JUP: variants seen among roughly 807,000 people sequenced by gnomAD.
JUP encodes junction plakoglobin.
JUP carries 28 observed loss-of-function variants against 71.1 expected under a neutral mutation model. The ratio of observed to expected loss-of-function variants is 0.39; its 90% CI spans 0.29 to 0.54. The LOEUF (loss-of-function observed/expected upper bound fraction) is 0.54. JUP is among the 20% of genes least tolerant of loss of function. The probability of loss-of-function intolerance (pLI) is 0.62; values close to 1 mark genes in which losing one functional copy is unlikely to be tolerated. For synonymous variants in JUP, 401 were observed against 438.9 expected (o/e 0.91, Z 1.08); for missense variants, 869 against 1,030.1 (o/e 0.84, Z 2.14).
At chr17:41,758,542 A>G in intron 9 of JUP, 24 bp from the exon 10 acceptor site, 1 of 1,603,344 alleles carries the variant, frequency 6.2e-7, no homozygotes, top group Non-Finnish European at 8.5e-7. Context: ...GGCAGGGGGC[A>G]TGGGACAGGT....
chr17:41,765,065 C>T lies in JUP; in HGVS notation c.912G>A (p.Leu304=). 6.2e-7 allele frequency: 1 copy of T among 1,614,038 alleles called. No individual in the cohort carries two copies. Among genetic ancestry groups the T allele is most frequent in the Non-Finnish European group, 8.5e-7 (1 of 1,179,976 alleles). ...GGGGCCCACCATTGGCCAGGATGAT[C>T]AGCTATGGGTAAAGAGGGAATGAGT... ...LLAYGNQESK[L]IILANGGPQA... Residue 304 remains leucine (L), a splice_region_variant and synonymous_variant, in exon 6 of 14, where the codon CTG becomes CTA. Transcript: ENST00000393931.
chr17:41,762,164 A>AGTGTGTGTGTGT (rs1914954351), intron 8 of JUP, among the ~76,000 whole-genome samples: 1 of 78,062 alleles, frequency 1.3e-5, no homozygotes, highest in African/African-American at 5.1e-5. Context: ...AGAGAGAGAG[A>AGTGTGTGTGTGT]GAGAGAGAGA....
chr17:41,762,206 T>TGTGTGTG (rs1915004860), intron 8 of JUP, among the ~76,000 whole-genome samples: 4 of 125,652 alleles, frequency 3.2e-5, no homozygotes, highest in African/African-American at 1.2e-4. Context: ...TGTGTGTGTG[T>TGTGTGTG]TTTAGATTGT....
intron 1 of JUP, among the ~76,000 whole-genome samples, chr17:41,777,530 C>T (rs1208315689): frequency 6.6e-6 from 1 of 152,240 alleles, no homozygotes; most frequent in South Asian, 2.1e-4. Context: ...AGGACGGAAC[C>T]TCCTGCAGAC....
intron 7 of JUP, 57 bp from the exon 8 acceptor site, chr17:41,763,378 CTCGAATATG>C: frequency 7.6e-7 from 1 of 1,323,972 alleles, no homozygotes; most frequent in African/African-American, 1.4e-5. Flanking sequence ...AGGGAGCCTT[CTCGAATATG>C]TCCAAGGGGA....
rs925107477 is a variant in JUP, at chr17:41,754,944, G to T, written c.*800C>A. The stretch of plus-strand genomic sequence containing the variant: ...GAGAAGCTGGCATCTTCTGGAGCAG[G>T]TGACTCACTCCATATCTCCTCCCCA... On this transcript the variant is annotated 3_prime_UTR_variant, in exon 14 of 14. Coordinates refer to ENST00000393931, the MANE Select transcript of JUP (RefSeq NM_002230.4). 4 of 188,008 alleles carry T rather than the reference G, an allele frequency of 2.1e-5. No homozygotes were observed. Among genetic ancestry groups the T allele is most frequent in the Non-Finnish European group, 4.3e-5 (4 of 92,202 alleles). 11.6% of individuals were successfully genotyped at this position (188,008 alleles called of 1,614,324 possible). A position where few individuals can be genotyped will look rare whatever the true frequency, so the allele number is the denominator to read the frequency against.
intron 1 of JUP, among the ~76,000 whole-genome samples, chr17:41,783,174 C>A (rs1316267321): frequency 6.6e-6 from 1 of 151,950 alleles, no homozygotes; most frequent in African/African-American, 2.4e-5. Context: ...AATCAGAGGA[C>A]CCAAACGTCA....
At chr17:41,766,100 G>A (rs1555603924) in intron 5 of JUP, among the ~76,000 whole-genome samples, 1 of 151,828 alleles carries the variant, frequency 6.6e-6, no homozygotes, top group African/African-American at 2.4e-5. Flanking sequence ...ACTTAGCCCG[G>A]GTGCTAATTA....
chr17:41,755,369 C>T lies in JUP; in HGVS notation c.*375G>A. 1 of 405,294 alleles carries T rather than the reference C, an allele frequency of 2.5e-6. No homozygotes were observed. 25.1% of individuals were successfully genotyped at this position (405,294 alleles called of 1,614,324 possible). A position where few individuals can be genotyped will look rare whatever the true frequency, so the allele number is the denominator to read the frequency against. On this transcript the variant is annotated 3_prime_UTR_variant, in exon 14 of 14. Coordinates refer to ENST00000393931, the MANE Select transcript of JUP (RefSeq NM_002230.4). ...GGAAGTTACACCCCGGCTTCCCCAG[C>T]TCAGGCACTTTTCTGTCTTGCCCCA...
intron 2 of JUP, among the ~76,000 whole-genome samples, chr17:41,771,091 G>A (rs1460910442): frequency 1.3e-5 from 2 of 152,134 alleles, no homozygotes; most frequent in Non-Finnish European, 2.9e-5. Flanking sequence ...GTGCAGTGGC[G>A]CAATCTCAGC....
intron 2 of JUP, among the ~76,000 whole-genome samples, chr17:41,770,266 C>T (rs1916443358): frequency 6.6e-6 from 1 of 152,168 alleles, no homozygotes. Context: ...AAAGTCAGGG[C>T]TGTGGGTTCA....
intron 1 of JUP, among the ~76,000 whole-genome samples, chr17:41,778,360 G>A (rs1342072191): frequency 1.3e-5 from 2 of 152,064 alleles, no homozygotes; most frequent in African/African-American, 2.4e-5. Context: ...GAGCTCAGGA[G>A]CTCCAGACCA....
intron 1 of JUP, 65 bp downstream of exon 1, chr17:41,786,523 C>G (rs1276629199): frequency 6.6e-6 from 1 of 152,058 alleles, no homozygotes; most frequent in East Asian, 1.9e-4. Context: ...ACGGCTGGGA[C>G]CGGCCCCGCG....
At chr17:41,764,310 G>A (rs1252300955) in intron 7 of JUP, among the ~76,000 whole-genome samples, 2 of 152,144 alleles carry the variant, frequency 1.3e-5, no homozygotes, top group East Asian at 3.9e-4. Flanking sequence ...CAAGGCGGGT[G>A]GATCACCTGA....
At chr17:41,780,115 A>G (rs2143860614) in intron 1 of JUP, among the ~76,000 whole-genome samples, 1 of 152,222 alleles carries the variant, frequency 6.6e-6, no homozygotes, top group Middle Eastern at 3.4e-3. Flanking sequence ...GCTGAGCTTC[A>G]GCTGGGCATG....
chr17:41,770,431 C>T lies in JUP; in HGVS notation c.209-754G>A, dbSNP rs1033296486. The stretch of plus-strand genomic sequence containing the variant: ...GGGAGAGGGACGCAGAGGTTCCACC[C>T]TCTAATTAGTCGAGAAGGAGGAGAC... On this transcript the variant is annotated intron_variant, in intron 2 of 13. Transcript: ENST00000393931. Among the ~76,000 whole-genome samples, 5 of 152,346 alleles carry T rather than the reference C, an allele frequency of 3.3e-5. No individual in the cohort carries two copies. The South Asian group carries it at 1.0e-3, about 32-fold the overall frequency.
chr17:41,773,901 G>C (rs1015021937), intron 1 of JUP, among the ~76,000 whole-genome samples: 1 of 152,200 alleles, frequency 6.6e-6, no homozygotes, highest in Non-Finnish European at 1.5e-5. Flanking sequence ...CCCACTGAAT[G>C]CCGCTCTGCT....
chr17:41,758,447 C>A lies in JUP; in HGVS notation c.1725G>T (p.Met575Ile), dbSNP rs1206301205. 1.2e-5 allele frequency: 19 copies of A among 1,613,946 alleles called. No homozygotes were observed. Among genetic ancestry groups the A allele is most frequent in the Non-Finnish European group, 1.6e-5 (19 of 1,180,042 alleles). Reference sequence around the variant, plus strand: ...TGAGCCGGAAGATCTCCATGCGGTTCATGGGGTCCCGGGCGAGGATGTGCA... The same window carrying A: ...TGAGCCGGAAGATCTCCATGCGGTTAATGGGGTCCCGGGCGAGGATGTGCA... ...GALHILARDP[M>I]NRMEIFRLNT... The change falls in exon 10 of 14, where the codon ATG becomes ATT. Residue 575 changes from methionine (M) to isoleucine (I), a missense_variant. Physicochemically the swap from Met to Ile is conservative, Grantham distance 10. Transcript: ENST00000393931.
chr17:41,757,560 C>A lies in JUP; in HGVS notation c.1925-24G>T, dbSNP rs782565215. Reference sequence around the variant, plus strand: ...GGCTGAGCAGAGAGGAAAGGAAAAGCCAGGTTAAACGTCGGCCAGCCTCCA... The same window carrying A: ...GGCTGAGCAGAGAGGAAAGGAAAAGACAGGTTAAACGTCGGCCAGCCTCCA... On this transcript the variant is annotated intron_variant, in intron 11 of 13. Coordinates refer to ENST00000393931, the MANE Select transcript of JUP (RefSeq NM_002230.4). 2.2e-5 allele frequency: 36 copies of A among 1,614,028 alleles called. No homozygotes were observed. The East Asian group carries it at 7.6e-4, about 34-fold the overall frequency.
Sources: gnomAD v4.1 joint callset for allele counts (sites outside exome capture counted in the v4.1 genomes callset) on GRCh38, gnomAD v4.1.1 for gene constraint, MANE v1.5 for transcripts, NCBI Gene and HGNC (gene_info 2026-07-23, HGNC 2026-07-21) for gene names.